KCNU1: variants seen among roughly 807,000 people sequenced by gnomAD.
KCNU1 encodes the protein potassium channel subfamily U member 1.
A neutral mutation model predicts 126.8 loss-of-function variants in KCNU1; 93 were observed. That is an observed-to-expected ratio of 0.73 (90% CI 0.62 to 0.87). KCNU1 has a LOEUF of 0.87. Ranked by LOEUF, KCNU1 falls within the 40% of genes least tolerant of loss-of-function variation. The pLI is 0.00. For synonymous variants in KCNU1, 523 were observed against 494.2 expected (o/e 1.06, Z -0.77); for missense variants, 1,330 against 1,367.1 (o/e 0.97, Z 0.43).
intron 6 of KCNU1, among the ~76,000 whole-genome samples, chr8:36,807,877 C>T (rs1803566567): frequency 6.6e-6 from 1 of 152,080 alleles, no homozygotes; most frequent in African/African-American, 2.4e-5. Context: ...GCATACATTA[C>T]CCAGCAGCAG....
At chr8:36,799,761 G>C (rs533301952) in intron 2 of KCNU1, among the ~76,000 whole-genome samples, 3 of 148,372 alleles carry the variant, frequency 2.0e-5, no homozygotes, top group Non-Finnish European at 4.5e-5. Context: ...GGCTTCTCTT[G>C]AACCCCTGAC....
chr8:36,881,380 G>C (rs1806472350), intron 19 of KCNU1, among the ~76,000 whole-genome samples: 1 of 152,026 alleles, frequency 6.6e-6, no homozygotes. Flanking sequence ...GAGCCACCAT[G>C]CCCAGCTAAT....
chr8:36,806,249 ATTCTGT>A lies in KCNU1; in HGVS notation c.469-15_469-10del. ...TCTTGAGGGTAACAGAATTTGTGTT[ATTCTGT>A]TTCTATTTCATAGTTTATGGCAGCT... is the stretch of plus-strand genomic sequence containing the variant. On this transcript the variant is annotated splice_polypyrimidine_tract_variant and intron_variant, in intron 4 of 26. Coordinates refer to ENST00000399881, the MANE Select transcript of KCNU1 (RefSeq NM_001031836.3). The A allele has an allele frequency of 6.6e-7, 1 of 1,517,440 alleles. No homozygotes were observed. The highest frequency in any genetic ancestry group is 9.1e-7 in the Non-Finnish European group (1 of 1,102,762). 94.0% of individuals were successfully genotyped at this position (1,517,440 alleles called of 1,614,324 possible).
At chr8:36,876,692 G>A (rs910372717) in intron 19 of KCNU1, among the ~76,000 whole-genome samples, 2 of 152,082 alleles carry the variant, frequency 1.3e-5, no homozygotes, top group African/African-American at 4.8e-5. Flanking sequence ...AGTTCACCTT[G>A]CAGCCACTAC....
chr8:36,930,664 G>A (rs1431718711), intron 24 of KCNU1, among the ~76,000 whole-genome samples: 2 of 152,076 alleles, frequency 1.3e-5, no homozygotes, highest in African/African-American at 2.4e-5. Flanking sequence ...TGGGAAGAGG[G>A]GAATGCCTGG....
chr8:36,889,266 A>G (rs1341559255), intron 19 of KCNU1: 2 of 531,228 alleles, frequency 3.8e-6, no homozygotes, highest in South Asian at 1.4e-5. Context: ...GTATGACCCC[A>G]TATATGATTT....
At chr8:36,856,999 C>G (rs1271178654) in intron 18 of KCNU1, among the ~76,000 whole-genome samples, 5 of 152,218 alleles carry the variant, frequency 3.3e-5, no homozygotes, top group African/African-American at 9.6e-5. Context: ...GGCGGAGCTT[C>G]AGAGCTCTTT....
chr8:36,822,624 A>G (rs968065207), intron 10 of KCNU1, among the ~76,000 whole-genome samples: 2 of 152,230 alleles, frequency 1.3e-5, no homozygotes, highest in African/African-American at 4.8e-5. Context: ...ATGAAATGTT[A>G]TGAAAATAAA....
At position 36,817,636 on chromosome 8, in the gene KCNU1, T is replaced by C; in HGVS notation, c.996-14T>C. 6.7e-7 allele frequency: 1 copy of C among 1,496,270 alleles called. No individual in the cohort carries two copies. Among genetic ancestry groups the C allele is most frequent in the Non-Finnish European group, 9.3e-7 (1 of 1,073,318 alleles). 92.7% of individuals were successfully genotyped at this position (1,496,270 alleles called of 1,614,324 possible). A position where few individuals can be genotyped will look rare whatever the true frequency, so the allele number is the denominator to read the frequency against. The stretch of plus-strand genomic sequence containing the variant: ...TGCCTCGGATGATCCACCTCACCTG[T>C]TTTTGCTGCCTAGGTTTATTGTGGT... On this transcript the variant is annotated splice_polypyrimidine_tract_variant and intron_variant, in intron 9 of 26. Coordinates refer to ENST00000399881, the MANE Select transcript of KCNU1 (RefSeq NM_001031836.3).
chr8:36,800,950 GC>G (rs1245663062), intron 2 of KCNU1, among the ~76,000 whole-genome samples: 1 of 152,346 alleles, frequency 6.6e-6, no homozygotes, highest in East Asian at 1.9e-4. Flanking sequence ...AGGTGCTTCA[GC>G]AAAACAGGAC....
intron 19 of KCNU1, among the ~76,000 whole-genome samples, chr8:36,886,139 G>C (rs1369129365): frequency 6.6e-6 from 1 of 152,124 alleles, no homozygotes; most frequent in East Asian, 1.9e-4. Flanking sequence ...ATTCAAGAAG[G>C]AGTTCTTAGG....
intron 6 of KCNU1, among the ~76,000 whole-genome samples, chr8:36,808,370 A>G (rs1002893533): frequency 2.6e-5 from 4 of 152,178 alleles, no homozygotes; most frequent in African/African-American, 9.7e-5. Context: ...ATCGGACAAT[A>G]TAACAATCTC....
intron 22 of KCNU1, among the ~76,000 whole-genome samples, chr8:36,917,419 G>A (rs951840664): frequency 4.6e-5 from 7 of 150,966 alleles, no homozygotes; most frequent in African/African-American, 1.7e-4. Flanking sequence ...GCGTGATGGC[G>A]GCTCACCGTA....
chr8:36,867,029 G>A (rs1805935729), intron 19 of KCNU1, among the ~76,000 whole-genome samples: 1 of 152,042 alleles, frequency 6.6e-6, no homozygotes, highest in Non-Finnish European at 1.5e-5. Context: ...ATACAGAAAA[G>A]AGAGGTTAAT....
chr8:36,812,423 T>TA (rs903888719), intron 7 of KCNU1, among the ~76,000 whole-genome samples: 1 of 142,930 alleles, frequency 7.0e-6, no homozygotes, highest in African/African-American at 2.6e-5. Flanking sequence ...ACTGAATGGA[T>TA]AAAAAATAGA....
intron 18 of KCNU1, among the ~76,000 whole-genome samples, chr8:36,852,853 T>A (rs1346268867): frequency 1.3e-5 from 2 of 152,184 alleles, no homozygotes; most frequent in African/African-American, 4.8e-5. Context: ...ATTTTGTTGA[T>A]CTTTTCAAAA....
At chr8:36,812,495 A>C (rs1295114567) in intron 7 of KCNU1, among the ~76,000 whole-genome samples, 2 of 152,206 alleles carry the variant, frequency 1.3e-5, no homozygotes, top group Non-Finnish European at 2.9e-5. Flanking sequence ...AAATAAAAGT[A>C]ATATAGCTAA....
At position 36,784,492 on chromosome 8, in the gene KCNU1, A is replaced by C. The variant is rs776353977; in HGVS notation, c.82A>C (p.Ile28Leu). ...CACAACTGAGATCCAAGCAGCATTC[A>C]TTCTCTCTTCCTTTGTGACCTTCTT... ...SCTTEIQAAF[I>L]LSSFVTFFSG... The change falls in exon 1 of 27, where the codon ATT (isoleucine) becomes CTT (leucine). Residue 28 changes from isoleucine (I) to leucine (L), a missense_variant. By Grantham distance (5) the Ile-to-Leu change is conservative (BLOSUM62 2). This residue lies in a region of KCNU1 where 247 missense variants were observed against 255.4 expected (regional missense o/e 0.97). Coordinates refer to ENST00000399881, the MANE Select transcript of KCNU1 (RefSeq NM_001031836.3). 4 of 1,613,920 alleles carry C rather than the reference A, an allele frequency of 2.5e-6. No individual in the cohort carries two copies. The highest frequency in any genetic ancestry group is 3.4e-6 in the Non-Finnish European group (4 of 1,179,818).
chr8:36,851,509 T>C (rs941958890), intron 18 of KCNU1, among the ~76,000 whole-genome samples: 1 of 152,112 alleles, frequency 6.6e-6, no homozygotes, highest in Admixed American at 6.6e-5. Flanking sequence ...TGCAGAACTG[T>C]GAGTCAATTA....
Sources: gnomAD v4.1 joint callset for allele counts (sites outside exome capture counted in the v4.1 genomes callset) on GRCh38, gnomAD v4.1.1 for gene constraint, gnomAD v4.1.1 regional missense constraint, MANE v1.5 for transcripts, NCBI Gene and HGNC (gene_info 2026-07-23, HGNC 2026-07-21) for gene names.